TRAF7: variants seen among roughly 807,000 people sequenced by gnomAD.
TRAF7 encodes E3 ubiquitin-protein ligase TRAF7.
A neutral mutation model predicts 89.3 loss-of-function variants in TRAF7; 45 were observed. The observed-to-expected ratio is 0.50, with a 90% CI of 0.40 to 0.65. The LOEUF is 0.65. Among genes scored for constraint, TRAF7 ranks in the 30% least tolerant of loss-of-function variants. The pLI, the probability that TRAF7 is intolerant of heterozygous loss-of-function variation, is 0.00. For missense variants in TRAF7, 677 were observed against 918.1 expected (o/e 0.74, Z 3.39); for synonymous variants, 406 against 369.2 (o/e 1.10, Z -1.14).
In TRAF7 at chr16:2,167,225, C is replaced by T. The variant is rs2093090274; in HGVS notation, c.140-852C>T. 2.6e-5 allele frequency among the ~76,000 whole-genome samples: 4 copies of T among 152,240 alleles called. No individual in the cohort carries two copies. The South Asian group carries it at 8.3e-4, about 32-fold the overall frequency. ...GCTGCTATGCCTGGCCCCTCGGCGG[C>T]AGGGATGGGCAGAGCCAGGCAGCAG... On this transcript the variant is annotated intron_variant, in intron 3 of 20. Transcript: ENST00000326181.
At chr16:2,173,859 T>TTGGGGCCCCCCCCCC in intron 12 of TRAF7, 23 bp downstream of exon 12, 1 of 1,246,230 alleles carries the variant, frequency 8.0e-7, no homozygotes, top group Non-Finnish European at 1.1e-6. Context: ...CCGCCGTGGC[T>TTGGGGCCCCCCCCCC]CCCGCCCACC....
Position 2,172,607 on chromosome 16 carries a change from G to GGGGGCGGGCGGGGGGGGGCC in TRAF7, c.794+22_794+23insGGGGCCGGGGCGGGCGGGGG. ...CCCCCACTCCAAGTACGGGTGAGTG[G>GGGGGCGGGCGGGGGGGGGCC]GGGGCGGGCGGGGGTGGGCCGGGGT... On this transcript the variant is annotated intron_variant, in intron 9 of 20. Coordinates refer to ENST00000326181, the MANE Select transcript of TRAF7 (RefSeq NM_032271.3). 6.5e-7 allele frequency: 1 copy of GGGGGCGGGCGGGGGGGGGCC among 1,543,826 alleles called. No homozygotes were observed. Among genetic ancestry groups the GGGGGCGGGCGGGGGGGGGCC allele is most frequent in the South Asian group, 1.2e-5 (1 of 83,808 alleles).
intron 6 of TRAF7, 53 bp from the exon 7 acceptor site, chr16:2,171,519 T>C (rs2093110583): frequency 6.2e-7 from 1 of 1,611,970 alleles, no homozygotes; most frequent in Non-Finnish European, 8.5e-7. Flanking sequence ...GGCCATGGAC[T>C]AGGGAAAAAG....
Position 2,175,126 on chromosome 16 carries a change from C to T in TRAF7, c.1362C>T (p.Ser454=), listed in dbSNP as rs549587368. 29 of 1,613,828 alleles carry T rather than the reference C, an allele frequency of 1.8e-5. No individual in the cohort carries two copies. Among genetic ancestry groups the T allele is most frequent in the South Asian group, 1.2e-4 (11 of 91,088 alleles). The change falls in exon 15 of 21, where the codon AGC becomes AGT. Residue 454 remains serine, a synonymous_variant. Transcript: ENST00000326181. ...ALCIQGCKLY[S]GSADCTIIVW... ...GCTTCCCCAGGTGCAAACTCTACAG[C>T]GGCTCTGCAGACTGCACCATCATTG... is the stretch of plus-strand genomic sequence containing the variant.
Position 2,159,843 on chromosome 16 carries a change from C to A in TRAF7, c.-39+3985C>A, listed in dbSNP as rs2093050298. On this transcript the variant is annotated intron_variant, in intron 1 of 20. Transcript: ENST00000326181. The surrounding 1 kb of genome is among the most constrained non-coding windows in gnomAD (Gnocchi z 6.5). ...GCTTTAAGGCCGGGCCTGGCCCGAGCAGGGAGCTGCATCTGGAAGCCCCCA... is the reference window on the plus strand; with the variant it reads ...GCTTTAAGGCCGGGCCTGGCCCGAGAAGGGAGCTGCATCTGGAAGCCCCCA... 6.6e-6 allele frequency among the ~76,000 whole-genome samples: 1 copy of A among 152,230 alleles called. No individual in the cohort carries two copies. The highest frequency in any genetic ancestry group is 2.4e-5 in the African/African-American group (1 of 41,470).
intron 5 of TRAF7, 116 bp from the exon 6 acceptor site, chr16:2,171,148 C>A: frequency 1.2e-6 from 1 of 811,864 alleles, no homozygotes; most frequent in Non-Finnish European, 2.0e-6. Flanking sequence ...TCTCTCAGGA[C>A]GTGACCCTGT....
Position 2,175,908 on chromosome 16 carries a change from G to C in TRAF7, c.1701G>C (p.Val567=), listed in dbSNP as rs2141297492. 6.2e-7 allele frequency: 1 copy of C among 1,613,524 alleles called. No individual in the cohort carries two copies. Residue 567 remains valine (V), a synonymous_variant, in exon 18 of 21, where the codon GTG becomes GTC. Coordinates refer to ENST00000326181, the MANE Select transcript of TRAF7 (RefSeq NM_032271.3). ...GTGGCAGCGTCTACTCCATTGCTGTGACAAATCACCACATTGTCTGTGGCA... is the reference window on the plus strand; with the variant it reads ...GTGGCAGCGTCTACTCCATTGCTGTCACAAATCACCACATTGTCTGTGGCA... ...TSGGSVYSIA[V]TNHHIVCGTY...
In TRAF7 at chr16:2,177,300, C is replaced by T. The variant is rs959696883; in HGVS notation, c.*726C>T. The T allele has an allele frequency of 3.0e-5, 7 of 234,906 alleles. No individual in the cohort carries two copies. Among genetic ancestry groups the T allele is most frequent in the African/African-American group, 1.3e-4 (6 of 45,316 alleles). The allele number at this position is 234,906 out of a possible 1,614,324, so 14.6% of individuals were successfully genotyped here. Reference sequence around the variant, plus strand: ...AGAGGCCTGGGGGGACAGCTGGGCACGTCCACTCGCAGGGAAACACGGGGT... The same window carrying T: ...AGAGGCCTGGGGGGACAGCTGGGCATGTCCACTCGCAGGGAAACACGGGGT... On this transcript the variant is annotated 3_prime_UTR_variant, in exon 21 of 21. Coordinates refer to ENST00000326181, the MANE Select transcript of TRAF7 (RefSeq NM_032271.3).
In TRAF7 at chr16:2,158,979, C is replaced by G. The variant is rs925951852; in HGVS notation, c.-39+3121C>G. Among the ~76,000 whole-genome samples, 5 of 152,172 alleles carry G rather than the reference C, an allele frequency of 3.3e-5. No homozygotes were observed. Among genetic ancestry groups the G allele is most frequent in the Non-Finnish European group, 7.4e-5 (5 of 68,024 alleles). ...CTCCAGGAAGCCCTCTGGACTTCCC[C>G]TCGACTGGGCCAGGTCCCCACACAA... is the stretch of plus-strand genomic sequence containing the variant. On this transcript the variant is annotated intron_variant, in intron 1 of 20. Coordinates refer to ENST00000326181, the MANE Select transcript of TRAF7 (RefSeq NM_032271.3). This position sits in a 1 kb window ranked among gnomAD's most constrained non-coding sequence, Gnocchi z 4.7.
At chr16:2,173,684 TCACCCCTGCC>T (rs2093123046) in intron 11 of TRAF7, 94 bp from the exon 12 acceptor site, 3 of 1,567,084 alleles carry the variant, frequency 1.9e-6, no homozygotes, top group East Asian at 2.3e-5. Flanking sequence ...GGGGCTGCTG[TCACCCCTGCC>T]CACCCCTGGC....
At chr16:2,167,253 C>A (rs1004795032) in intron 3 of TRAF7, among the ~76,000 whole-genome samples, 1 of 152,184 alleles carries the variant, frequency 6.6e-6, no homozygotes. Context: ...GGCAGCAGGG[C>A]GCCCACAGGT....
chr16:2,171,192 C>A (rs1476160914), intron 5 of TRAF7, 72 bp from the exon 6 acceptor site: 2 of 1,297,416 alleles, frequency 1.5e-6, no homozygotes, highest in Middle Eastern at 1.9e-4. Context: ...AGCAAGAGCG[C>A]CTGGGTGCCT....
At chr16:2,164,204 C>G (rs571359469) in intron 2 of TRAF7, among the ~76,000 whole-genome samples, 1 of 146,992 alleles carries the variant, frequency 6.8e-6, no homozygotes. Flanking sequence ...GTGGTTGGGG[C>G]GTGTTAGTGC....
In TRAF7 at chr16:2,175,340, C is replaced by T. The variant is rs753585181; in HGVS notation, c.1426C>T (p.Arg476Trp). 2 of 1,613,566 alleles carry T rather than the reference C, an allele frequency of 1.2e-6. No homozygotes were observed. Among genetic ancestry groups the T allele is most frequent in the Non-Finnish European group, 1.7e-6 (2 of 1,180,004 alleles). ...IQNLQKVNTI[R>W]AHDNPVCTLV... ...GAACCTGCAGAAGGTGAACACCATCCGGGCCCATGACAACCCGGTGTGCAC... is the reference window on the plus strand; with the variant it reads ...GAACCTGCAGAAGGTGAACACCATCTGGGCCCATGACAACCCGGTGTGCAC... The change falls in exon 16 of 21, where the codon CGG becomes TGG. Residue 476 changes from arginine (R) to tryptophan (W), a missense_variant. Around this residue, in one of 6 missense-constraint regions of TRAF7, gnomAD observed 160 missense variants for 263.7 expected, o/e 0.61. Coordinates refer to ENST00000326181, the MANE Select transcript of TRAF7 (RefSeq NM_032271.3).
chr16:2,165,537 G>GCA (rs1221850196), intron 2 of TRAF7, among the ~76,000 whole-genome samples: 2 of 130,378 alleles, frequency 1.5e-5, no homozygotes, highest in Non-Finnish European at 3.2e-5. Context: ...TGCGTGGCCT[G>GCA]GCCTGGTCGC....
chr16:2,167,158 C>T (rs745939868), intron 3 of TRAF7, among the ~76,000 whole-genome samples: 4 of 152,282 alleles, frequency 2.6e-5, no homozygotes, highest in Non-Finnish European at 5.9e-5. Flanking sequence ...CCCCATGGCC[C>T]CTGTCACACG....
rs376119190 is a variant in TRAF7, at chr16:2,165,881, C to T, written c.84C>T (p.Thr28=). ...NLPTPDVTTG[T]RMETTFGPAF... ...GGTCTCCTCCGTCCTCCCTCTAGAC[C>T]AGAATGGAAACGACCTTCGGACCCG... is the stretch of plus-strand genomic sequence containing the variant. Residue 28 remains threonine (T), a splice_region_variant and synonymous_variant, in exon 3 of 21, where the codon ACC becomes ACT. Coordinates refer to ENST00000326181, the MANE Select transcript of TRAF7 (RefSeq NM_032271.3). The T allele has an allele frequency of 2.5e-6, 4 of 1,614,128 alleles. No homozygotes were observed. The highest frequency in any genetic ancestry group is 3.4e-6 in the Non-Finnish European group (4 of 1,179,974).
rs954622955 is a variant in TRAF7 at position 2,177,576 on chromosome 16, G to A, written c.*1002G>A. 3.0e-5 allele frequency: 7 copies of A among 236,170 alleles called. No individual in the cohort carries two copies. The highest frequency in any genetic ancestry group is 4.4e-5 in the African/African-American group (2 of 45,278). The allele number at this position is 236,170 out of a possible 1,614,324, so 14.6% of individuals were successfully genotyped here. A position where few individuals can be genotyped will look rare whatever the true frequency, so the allele number is the denominator to read the frequency against. On this transcript the variant is annotated 3_prime_UTR_variant, in exon 21 of 21. Coordinates refer to ENST00000326181, the MANE Select transcript of TRAF7 (RefSeq NM_032271.3). Reference sequence around the variant, plus strand: ...ACAACACAGCCTTGGACCATGAGCAGAAGCGTCCGTGGGAACTCCACTGGG... The same window carrying A: ...ACAACACAGCCTTGGACCATGAGCAAAAGCGTCCGTGGGAACTCCACTGGG...
chr16:2,170,521 C>T, intron 4 of TRAF7, 93 bp from the exon 5 acceptor site: 1 of 912,392 alleles, frequency 1.1e-6, no homozygotes, highest in East Asian at 2.6e-5. Flanking sequence ...AGGGGTGCTG[C>T]TGCCCTCGCG....
Sources: gnomAD v4.1 joint callset for allele counts (sites outside exome capture counted in the v4.1 genomes callset) on GRCh38, gnomAD v4.1.1 for gene constraint, gnomAD v4.1.1 regional missense constraint, Gnocchi (gnomAD v3.1) non-coding constraint, MANE v1.5 for transcripts, NCBI Gene and HGNC (gene_info 2026-07-23, HGNC 2026-07-21) for gene names.